The following CDK5RAP2 variants were observed in gnomAD, a reference collection of about 807,000 sequenced individuals.
CDK5RAP2 encodes the protein CDK5 regulatory subunit associated protein 2.
Under a neutral mutation model 232.9 loss-of-function variants are expected in CDK5RAP2, and 147 were observed. The observed-to-expected ratio is 0.63, with a 90% CI of 0.55 to 0.72. The LOEUF (loss-of-function observed/expected upper bound fraction) is 0.72. Among genes scored for constraint, CDK5RAP2 ranks in the 30% least tolerant of loss-of-function variants. The pLI, the probability that CDK5RAP2 is intolerant of heterozygous loss-of-function variation, is 0.00. For synonymous variants in CDK5RAP2, 833 were observed against 833.7 expected, an observed-to-expected ratio of 1.00 and a Z score of 0.01; for missense variants, 2,195 against 2,231.5, an observed-to-expected ratio of 0.98 and a Z score of 0.33.
intron 37 of CDK5RAP2, 123 bp downstream of exon 37, chr9:120,389,618 A>G (rs2031732455): frequency 2.2e-6 from 2 of 924,204 alleles, no homozygotes; most frequent in Non-Finnish European, 3.5e-6. Context: ...GGCAGAAACA[A>G]CTCTCTGAGG....
intron 12 of CDK5RAP2, among the ~76,000 whole-genome samples, chr9:120,514,395 C>A (rs931210722): frequency 8.5e-5 from 13 of 152,156 alleles, no homozygotes; most frequent in Non-Finnish European, 1.8e-4. Flanking sequence ...CACCCTTCTG[C>A]CAAGGCACAA....
intron 23 of CDK5RAP2, among the ~76,000 whole-genome samples, 159 bp from the exon 24 acceptor site, chr9:120,440,131 T>C (rs1401484644): frequency 6.6e-6 from 1 of 152,032 alleles, no homozygotes; most frequent in Non-Finnish European, 1.5e-5. Context: ...TCAAAAAGCC[T>C]CCAGTCTTTC....
chr9:120,527,349 C>G (rs964127871), intron 10 of CDK5RAP2, among the ~76,000 whole-genome samples: 1 of 152,066 alleles, frequency 6.6e-6, no homozygotes, highest in Non-Finnish European at 1.5e-5. Flanking sequence ...TTGTCCAATG[C>G]GGCAGTCACT....
Position 120,400,760 on chromosome 9 carries a change from G to A in CDK5RAP2, c.5433C>T (p.Cys1811=). The change falls in exon 35 of 38, where the codon TGC becomes TGT. Residue 1811 remains cysteine, a synonymous_variant. Transcript: ENST00000349780. The stretch of plus-strand genomic sequence containing the variant: ...CACCTACCTGCTCACAGTGAAGGGG[G>A]CACTGGCCATCCTCGGGGAGTGAGA... ...WRVSLPEDGQ[C]PLHCEQIGEM... is the part of the protein sequence containing the mutation. The A allele has an allele frequency of 6.2e-7, 1 of 1,613,794 alleles. No homozygotes were observed. The highest frequency in any genetic ancestry group is 8.5e-7 in the Non-Finnish European group (1 of 1,180,010).
At chr9:120,439,371 A>T (rs763998616) in intron 24 of CDK5RAP2, 28 bp downstream of exon 24, 4 of 1,589,594 alleles carry the variant, frequency 2.5e-6, no homozygotes, top group Non-Finnish European at 3.5e-6. Flanking sequence ...ACAGGCTTAA[A>T]CGGGGAGACG....
intron 27 of CDK5RAP2, among the ~76,000 whole-genome samples, chr9:120,418,732 C>T (rs2034386965): frequency 6.6e-6 from 1 of 152,118 alleles, no homozygotes; most frequent in African/African-American, 2.4e-5. Flanking sequence ...GCTGGAGGAC[C>T]CCAGCTGATA....
intron 12 of CDK5RAP2, among the ~76,000 whole-genome samples, chr9:120,506,043 C>T (rs990678645): frequency 2.6e-5 from 4 of 152,122 alleles, no homozygotes; most frequent in Non-Finnish European, 5.9e-5. Context: ...AAGAAGATGC[C>T]ATCTAGGAGT....
chr9:120,399,081 C>T (rs951823664), intron 35 of CDK5RAP2, among the ~76,000 whole-genome samples: 13 of 152,162 alleles, frequency 8.5e-5, no homozygotes, highest in African/African-American at 3.1e-4. Flanking sequence ...AATTCCATGA[C>T]ATCAGAGTGA....
chr9:120,389,346 A>C (rs2031701809), intron 37 of CDK5RAP2, 54 bp from the exon 38 acceptor site: 1 of 1,418,652 alleles, frequency 7.0e-7, no homozygotes, highest in African/African-American at 1.4e-5. Flanking sequence ...AGGTTTCTGA[A>C]GTAAGACCCC....
At chr9:120,553,557 C>G (rs2042121183) in intron 3 of CDK5RAP2, among the ~76,000 whole-genome samples, 1 of 152,066 alleles carries the variant, frequency 6.6e-6, no homozygotes, top group African/African-American at 2.4e-5. Context: ...TTAAATTAGT[C>G]CAGGATGATG....
intron 3 of CDK5RAP2, among the ~76,000 whole-genome samples, chr9:120,556,691 C>T (rs940661250): frequency 3.3e-5 from 5 of 152,036 alleles, no homozygotes; most frequent in African/African-American, 7.2e-5. Context: ...AGCCTCCCAA[C>T]GTGCTGGGAT....
chr9:120,488,238 A>G (rs1407604747), intron 13 of CDK5RAP2, among the ~76,000 whole-genome samples: 1 of 152,370 alleles, frequency 6.6e-6, no homozygotes, highest in East Asian at 1.9e-4. Context: ...TCAAATTTTT[A>G]TAAGAAATTA....
chr9:120,550,249 T>C (rs1199294911), intron 4 of CDK5RAP2, among the ~76,000 whole-genome samples: 1 of 152,248 alleles, frequency 6.6e-6, no homozygotes, highest in African/African-American at 2.4e-5. Flanking sequence ...CGAAGAGTCC[T>C]ATCACAGAAA....
chr9:120,424,604 T>A (rs1372521442), intron 25 of CDK5RAP2, among the ~76,000 whole-genome samples: 1 of 151,998 alleles, frequency 6.6e-6, no homozygotes, highest in Non-Finnish European at 1.5e-5. Context: ...GAATGGACCA[T>A]CAGTGCCAGC....
chr9:120,411,345 C>A lies in CDK5RAP2; in HGVS notation c.4414+13G>T, dbSNP rs199820999. On this transcript the variant is annotated intron_variant, in intron 29 of 37. Transcript: ENST00000349780. ...TGGCGTTCCAGACTTCCAGTGACTCCTTTAACTCTTACCTCTGGATCCTTT... is the reference window on the plus strand; with the variant it reads ...TGGCGTTCCAGACTTCCAGTGACTCATTTAACTCTTACCTCTGGATCCTTT... 15 of 1,497,766 alleles carry A rather than the reference C, an allele frequency of 1.0e-5. No homozygotes were observed. The East Asian group carries it at 2.9e-4, about 29-fold the overall frequency. 92.8% of individuals were successfully genotyped at this position (1,497,766 alleles called of 1,614,324 possible).
At chr9:120,500,758 C>T (rs1481937020) in intron 12 of CDK5RAP2, among the ~76,000 whole-genome samples, 5 of 152,188 alleles carry the variant, frequency 3.3e-5, no homozygotes, top group Non-Finnish European at 7.3e-5. Context: ...GTCTAGCTAC[C>T]ATACTAATGC....
chr9:120,561,730 T>G (rs1317665342), intron 3 of CDK5RAP2, among the ~76,000 whole-genome samples: 2 of 152,246 alleles, frequency 1.3e-5, no homozygotes, highest in African/African-American at 2.4e-5. Context: ...ATAACATAAG[T>G]GAATTTGCAT....
intron 4 of CDK5RAP2, among the ~76,000 whole-genome samples, chr9:120,546,138 C>T (rs1448104824): frequency 6.6e-6 from 1 of 152,112 alleles, no homozygotes; most frequent in Admixed American, 6.5e-5. Context: ...AGCAATTCTG[C>T]GGTGTGTTTT....
intron 22 of CDK5RAP2, 23 bp from the exon 23 acceptor site, chr9:120,443,765 A>C (rs750294801): frequency 1.2e-6 from 2 of 1,613,692 alleles, no homozygotes; most frequent in Admixed American, 3.3e-5. Flanking sequence ...ACAAAGAGAA[A>C]GAAAAATAAA....
Sources: gnomAD v4.1 joint callset for allele counts (sites outside exome capture counted in the v4.1 genomes callset) on GRCh38, gnomAD v4.1.1 for gene constraint, MANE v1.5 for transcripts, NCBI Gene and HGNC (gene_info 2026-07-23, HGNC 2026-07-21) for gene names.